Variants in KLHDC2 observed in about 807,000 individuals in gnomAD.
KLHDC2 encodes the protein kelch domain containing 2.
In KLHDC2, 38 loss-of-function variants were observed where a neutral mutation model predicts 62.3. The ratio of observed to expected loss-of-function variants is 0.61; its 90% CI spans 0.47 to 0.80. KLHDC2 has a LOEUF of 0.80. Among genes scored for constraint, KLHDC2 ranks in the 30% least tolerant of loss-of-function variants. The probability of loss-of-function intolerance (pLI) is 0.00; values close to 1 mark genes in which losing one functional copy is unlikely to be tolerated. For synonymous variants in KLHDC2, 159 were observed against 161.0 expected (o/e 0.99, Z 0.09); for missense variants, 430 against 495.3 (o/e 0.87, Z 1.25).
chr14:49,773,825 C>T (rs1199131593), intron 2 of KLHDC2, among the ~76,000 whole-genome samples: 1 of 152,038 alleles, frequency 6.6e-6, no homozygotes, highest in Non-Finnish European at 1.5e-5. Context: ...ATCCACCTGC[C>T]TCAGCCTCCC....
rs1213697079 is a variant in KLHDC2 at position 49,768,597 on chromosome 14, C to T, written c.129C>T (p.His43=). The part of the protein sequence containing the change: ...SGHVAVSDGR[H]MFVWGGYKSN... ...ACGTAGCCGTCAGCGACGGGCGCCA[C>T]ATGTTCGTCTGGGGCGGCTACAAGG... is the stretch of plus-strand genomic sequence containing the variant. The change falls in exon 1 of 13, where the codon CAC becomes CAT. Residue 43 remains histidine, a synonymous_variant. Coordinates refer to ENST00000298307, the MANE Select transcript of KLHDC2 (RefSeq NM_014315.3). 22 of 1,600,876 alleles carry T rather than the reference C, an allele frequency of 1.4e-5. No homozygotes were observed. Among genetic ancestry groups the T allele is most frequent in the Non-Finnish European group, 1.9e-5 (22 of 1,174,848 alleles).
At chr14:49,782,494 C>A in intron 11 of KLHDC2, 37 bp downstream of exon 11, 1 of 1,595,298 alleles carries the variant, frequency 6.3e-7, no homozygotes, top group East Asian at 2.2e-5. Context: ...CTGAAACTTA[C>A]TTGCAAAGCA....
intron 1 of KLHDC2, 168 bp downstream of exon 1, chr14:49,768,789 CT>C: frequency 1.6e-6 from 1 of 611,238 alleles, no homozygotes; most frequent in Non-Finnish European, 2.7e-6. Context: ...GCGCGGGAAT[CT>C]TCCTTCTCTC....
rs1890047667 is a variant in KLHDC2, at chr14:49,784,138, A to ATACTT, written c.*1188_*1192dup. On this transcript the variant is annotated 3_prime_UTR_variant, in exon 13 of 13. Transcript: ENST00000298307. ...ATAATTAGCATTTAACTGTCCACAAATACTTTAGGAAATCCTATCATAGTG... is the reference window on the plus strand; with the variant it reads ...ATAATTAGCATTTAACTGTCCACAAATACTTTACTTTAGGAAATCCTATCATAGTG... 2 of 152,306 alleles carry ATACTT rather than the reference A, an allele frequency of 1.3e-5. No individual in the cohort carries two copies. The highest frequency in any genetic ancestry group is 2.1e-4 in the South Asian group (1 of 4,830). 9.4% of individuals were successfully genotyped at this position (152,306 alleles called of 1,614,324 possible). A position where few individuals can be genotyped will look rare whatever the true frequency, so the allele number is the denominator to read the frequency against.
At chr14:49,780,845 C>G (rs1889882027) in intron 10 of KLHDC2, 70 bp downstream of exon 10, 2 of 829,646 alleles carry the variant, frequency 2.4e-6, no homozygotes, top group Non-Finnish European at 4.2e-6. Flanking sequence ...TGCATTATAT[C>G]CAGCATTCTT....
Position 49,784,651 on chromosome 14 carries a change from G to T in KLHDC2, c.*1698G>T. 6.2e-7 allele frequency: 1 copy of T among 1,608,184 alleles called. No homozygotes were observed. Among genetic ancestry groups the T allele is most frequent in the Non-Finnish European group, 8.5e-7 (1 of 1,176,822 alleles). On this transcript the variant is annotated 3_prime_UTR_variant, in exon 13 of 13. Coordinates refer to ENST00000298307, the MANE Select transcript of KLHDC2 (RefSeq NM_014315.3). ...TTCATTTCAGCTATTTCCTTTTTAC[G>T]TTCAGAAGATTGGGTGCAGACACTT...
chr14:49,771,853 A>G (rs4354830), intron 2 of KLHDC2, among the ~76,000 whole-genome samples, 180 bp downstream of exon 2: 151,708 of 152,256 alleles, frequency 1, 75,583 homozygotes, highest in Middle Eastern at 1. Flanking sequence ...AAAATTAGCC[A>G]GGCATGGTGG....
At chr14:49,770,535 A>T (rs577579378) in intron 1 of KLHDC2, among the ~76,000 whole-genome samples, 1 of 152,332 alleles carries the variant, frequency 6.6e-6, no homozygotes, top group African/African-American at 2.4e-5. Flanking sequence ...CTGTGTCAAC[A>T]TTGTTCAGAA....
Position 49,784,715 on chromosome 14 carries a change from T to C in KLHDC2, c.*1762T>C. On this transcript the variant is annotated 3_prime_UTR_variant, in exon 13 of 13. Coordinates refer to ENST00000298307, the MANE Select transcript of KLHDC2 (RefSeq NM_014315.3). ...AATGTTTCTTGATAAATCTGTGTCC[T>C]AAAAAAAGAAAATTGCTGAATATCT... 6.2e-7 allele frequency: 1 copy of C among 1,611,234 alleles called. No homozygotes were observed. The highest frequency in any genetic ancestry group is 8.5e-7 in the Non-Finnish European group (1 of 1,178,226).
At position 49,782,682 on chromosome 14, in the gene KLHDC2, T is replaced by A. The variant is rs1889962833; in HGVS notation, c.1097+88T>A. 10 of 1,359,984 alleles carry A rather than the reference T, an allele frequency of 7.4e-6. No individual in the cohort carries two copies. The Admixed American group carries it at 2.3e-4, about 31-fold the overall frequency. 84.2% of individuals were successfully genotyped at this position (1,359,984 alleles called of 1,614,324 possible). A position where few individuals can be genotyped will look rare whatever the true frequency, so the allele number is the denominator to read the frequency against. On this transcript the variant is annotated intron_variant, in intron 12 of 12. Transcript: ENST00000298307. ...CTCGAAAAACTAGGTTTATGGATTA[T>A]TTAAGGGCAATAAAACTTCATTGCT...
chr14:49,780,302 C>A lies in KLHDC2; in HGVS notation c.863C>A (p.Thr288Asn). 6.2e-7 allele frequency: 1 copy of A among 1,607,430 alleles called. No individual in the cohort carries two copies. Among genetic ancestry groups the A allele is most frequent in the Non-Finnish European group, 8.5e-7 (1 of 1,173,976 alleles). ...CATCTTTTTCTCTTTGGAGGATTTA[C>A]CACTGATAAACAGCCACTAAGTAAG... ...SDHLFLFGGF[T>N]TDKQPLSDAW... The change falls in exon 9 of 13, where the codon ACC (threonine) becomes AAC (asparagine). Residue 288 changes from threonine (T) to asparagine (N), a missense_variant. Transcript: ENST00000298307.
chr14:49,782,144 C>T (rs1889932321), intron 10 of KLHDC2: 3 of 499,702 alleles, frequency 6.0e-6, no homozygotes, highest in Non-Finnish European at 1.1e-5. Flanking sequence ...TCAAACTCCT[C>T]ATTGCATAAA....
chr14:49,779,946 A>G, intron 8 of KLHDC2, 140 bp downstream of exon 8: 1 of 664,282 alleles, frequency 1.5e-6, no homozygotes, highest in Non-Finnish European at 2.6e-6. Flanking sequence ...TCCTTAAGGA[A>G]TGAATTTTAT....
At chr14:49,774,926 T>C (rs1006524924) in intron 3 of KLHDC2, 3 of 441,946 alleles carry the variant, frequency 6.8e-6, no homozygotes, top group African/African-American at 2.0e-5. Flanking sequence ...TCTTTGTGCT[T>C]TTTGCAGCTA....
chr14:49,779,114 C>T (rs1434122896), intron 6 of KLHDC2, among the ~76,000 whole-genome samples: 1 of 152,066 alleles, frequency 6.6e-6, no homozygotes, highest in Non-Finnish European at 1.5e-5. Context: ...TCCAAAGATC[C>T]GAAATGCTCC....
intron 1 of KLHDC2, among the ~76,000 whole-genome samples, chr14:49,769,644 A>G (rs527653403): frequency 4.3e-4 from 65 of 152,264 alleles, no homozygotes; most frequent in Admixed American, 8.5e-4. Context: ...GTGGTTAGAA[A>G]ATAGAAAGGG....
At position 49,784,945 on chromosome 14, in the gene KLHDC2, CTT is replaced by C. The variant is rs1256735263; in HGVS notation, c.*1996_*1997del. On this transcript the variant is annotated 3_prime_UTR_variant, in exon 13 of 13. Transcript: ENST00000298307. Reference sequence around the variant, plus strand: ...TTTACCTTTACGCTGCGGAATAAGTCTTTTTCTCTTGCTGTTGCTTCTTTGGA... The same window carrying C: ...TTTACCTTTACGCTGCGGAATAAGTCTTTCTCTTGCTGTTGCTTCTTTGGA... The C allele has an allele frequency of 6.2e-7, 1 of 1,613,790 alleles. No homozygotes were observed. Among genetic ancestry groups the C allele is most frequent in the African/African-American group, 1.3e-5 (1 of 75,024 alleles).
intron 10 of KLHDC2, 92 bp from the exon 11 acceptor site, chr14:49,782,278 C>G (rs1889941209): frequency 6.5e-6 from 5 of 769,258 alleles, no homozygotes; most frequent in South Asian, 3.7e-5. Flanking sequence ...ACCTTAAGAT[C>G]GCTAGTCTTT....
In KLHDC2 at chr14:49,780,323, G is replaced by A. The variant is rs1279529183; in HGVS notation, c.883+1G>A. ...TTTACCACTGATAAACAGCCACTAA[G>A]TAAGTCCTTGAAAAATATGATAATG... On this transcript the variant is annotated splice_donor_variant, in intron 9 of 12. Transcript: ENST00000298307. LOFTEE classifies it high-confidence loss of function. The A allele has an allele frequency of 2.0e-6, 3 of 1,522,452 alleles. No individual in the cohort carries two copies. The highest frequency in any genetic ancestry group is 2.7e-6 in the Non-Finnish European group (3 of 1,096,674). 94.3% of individuals were successfully genotyped at this position (1,522,452 alleles called of 1,614,324 possible). A position where few individuals can be genotyped will look rare whatever the true frequency, so the allele number is the denominator to read the frequency against.
Sources: gnomAD v4.1 joint callset for allele counts (sites outside exome capture counted in the v4.1 genomes callset) on GRCh38, gnomAD v4.1.1 for gene constraint, MANE v1.5 for transcripts, NCBI Gene and HGNC (gene_info 2026-07-23, HGNC 2026-07-21) for gene names.